ADAMTSL1: variants seen among roughly 807,000 people sequenced by gnomAD.
ADAMTSL1 encodes ADAMTS like 1, also known as ADAMTS-like protein 1.
Under a neutral mutation model 201.8 loss-of-function variants are expected in ADAMTSL1, and 126 were observed. That is an observed-to-expected ratio of 0.62 (90% CI 0.54 to 0.72). The LOEUF is 0.72. ADAMTSL1 is among the 30% of genes least tolerant of loss of function. The pLI, the probability that ADAMTSL1 is intolerant of heterozygous loss-of-function variation, is 0.00. For missense variants in ADAMTSL1, 2,679 were observed against 2,277.8 expected (o/e 1.18, Z -3.59); for synonymous variants, 1,121 against 903.4 (o/e 1.24, Z -4.32).
At chr9:18,440,987 A>G (rs1341576219) in intron 2 of ADAMTSL1, among the ~76,000 whole-genome samples, 1 of 152,212 alleles carries the variant, frequency 6.6e-6, no homozygotes, top group Non-Finnish European at 1.5e-5. Flanking sequence ...ATTTAGCCAT[A>G]AAAAGGAATG....
intron 2 of ADAMTSL1, among the ~76,000 whole-genome samples, chr9:18,247,679 C>A (rs1831315703): frequency 6.6e-6 from 1 of 151,838 alleles, no homozygotes; most frequent in Non-Finnish European, 1.5e-5. Flanking sequence ...TAGGCAGAGG[C>A]CTGAAGAAAG....
chr9:18,856,503 G>GC (rs1319166070), intron 23 of ADAMTSL1, among the ~76,000 whole-genome samples: 2 of 120,862 alleles, frequency 1.7e-5, no homozygotes, highest in South Asian at 2.6e-4. Context: ...TCGCTCTGTC[G>GC]CCCAGGCTAG....
chr9:18,536,479 C>T (rs1363821704), intron 3 of ADAMTSL1, among the ~76,000 whole-genome samples: 8 of 149,396 alleles, frequency 5.4e-5, no homozygotes, highest in Admixed American at 4.0e-4. Context: ...AGCTCACAGG[C>T]TTTTAAAAAT....
intron 2 of ADAMTSL1, among the ~76,000 whole-genome samples, chr9:18,266,410 C>G (rs947675278): frequency 1.3e-5 from 2 of 152,164 alleles, no homozygotes; most frequent in African/African-American, 4.8e-5. Context: ...CTGAATGAGC[C>G]TCACAAACCA....
At chr9:18,078,255 G>A (rs184934651) in intron 1 of ADAMTSL1, among the ~76,000 whole-genome samples, 10 of 152,104 alleles carry the variant, frequency 6.6e-5, no homozygotes, top group East Asian at 3.9e-4. Context: ...TTTTATAGTC[G>A]CGCAGTGGGG....
At position 18,093,418 on chromosome 9, in the gene ADAMTSL1, C is replaced by G. The variant is rs1046921504; in HGVS notation, c.88-70444C>G. On this transcript the variant is annotated intron_variant, in intron 1 of 29. Transcript: ENST00000680146. ...ATATATGCTGTGTATTCCCCCTACT[C>G]TGTAGTTGAAAGTTAACAAGGAGCG... 3.3e-5 allele frequency among the ~76,000 whole-genome samples: 5 copies of G among 152,176 alleles called. No individual in the cohort carries two copies. The East Asian group carries it at 7.7e-4, about 23-fold the overall frequency.
At position 18,899,018 on chromosome 9, in the gene ADAMTSL1, C is replaced by T. The variant is rs138247941; in HGVS notation, c.4851+6422C>T. ...GAGGAAGTCAAATTATCTTTGTTTG[C>T]AGATGATATGACCCTTTATCTACAA... On this transcript the variant is annotated intron_variant, in intron 26 of 28. Transcript: ENST00000380548. Among the ~76,000 whole-genome samples, 7 of 152,280 alleles carry T rather than the reference C, an allele frequency of 4.6e-5. No homozygotes were observed. The East Asian group carries it at 1.3e-3, about 29-fold the overall frequency.
rs78162831 is a variant in ADAMTSL1 at position 18,906,704 on chromosome 9, C to T, written c.4974C>T (p.Thr1658=). Residue 1658 remains threonine, a synonymous_variant, in exon 28 of 29, where the codon ACC becomes ACT. Coordinates refer to ENST00000380548, the MANE Select transcript of ADAMTSL1 (RefSeq NM_001040272.6). ...CATCCTCCTGCAGGCCTGTGAGCAC[C>T]CAGAACTGCTGGTCAGAGGCCTGCA... ...QCSALPRPVS[T]QNCWSEACSV... is the part of the protein sequence containing the mutation. 2.2e-4 allele frequency: 344 copies of T among 1,599,300 alleles called. 1 individual carries two copies. The African/African-American group carries it at 4.2e-3, about 20-fold the overall frequency.
chr9:18,264,465 G>A (rs1192576600), intron 2 of ADAMTSL1, among the ~76,000 whole-genome samples: 1 of 152,108 alleles, frequency 6.6e-6, no homozygotes, highest in Non-Finnish European at 1.5e-5. Context: ...GTCCCATTCA[G>A]AATAACAACC....
chr9:18,306,153 C>CA (rs1366385467), intron 2 of ADAMTSL1, among the ~76,000 whole-genome samples: 1 of 152,068 alleles, frequency 6.6e-6, no homozygotes, highest in African/African-American at 2.4e-5. Context: ...TCAACATCAA[C>CA]AAAAAAGACA....
chr9:18,566,128 A>G (rs1821875254), intron 3 of ADAMTSL1, among the ~76,000 whole-genome samples: 1 of 152,198 alleles, frequency 6.6e-6, no homozygotes, highest in African/African-American at 2.4e-5. Flanking sequence ...GTATTCTTGT[A>G]AATTTATTCT....
intron 2 of ADAMTSL1, among the ~76,000 whole-genome samples, chr9:18,299,507 C>T (rs1052496694): frequency 1.3e-5 from 2 of 152,168 alleles, no homozygotes; most frequent in African/African-American, 4.8e-5. Flanking sequence ...AAGTTCTGAG[C>T]TCCACAGATG....
chr9:18,396,912 T>C (rs995517329), intron 2 of ADAMTSL1, among the ~76,000 whole-genome samples: 5 of 152,176 alleles, frequency 3.3e-5, no homozygotes, highest in African/African-American at 1.2e-4. Context: ...AGTACATTCC[T>C]AAATAGGGGT....
At chr9:18,464,885 C>G (rs918093074) in intron 2 of ADAMTSL1, among the ~76,000 whole-genome samples, 2 of 152,082 alleles carry the variant, frequency 1.3e-5, no homozygotes, top group Non-Finnish European at 2.9e-5. Context: ...AAAGATTTAG[C>G]CATTGAGCAT....
At chr9:18,305,762 G>C (rs942495842) in intron 2 of ADAMTSL1, among the ~76,000 whole-genome samples, 1 of 152,152 alleles carries the variant, frequency 6.6e-6, no homozygotes, top group African/African-American at 2.4e-5. Flanking sequence ...TTGGGGGATG[G>C]GGTGGTTGTG....
At chr9:18,741,895 T>A (rs192657152) in intron 15 of ADAMTSL1, among the ~76,000 whole-genome samples, 2 of 152,350 alleles carry the variant, frequency 1.3e-5, no homozygotes, top group East Asian at 3.9e-4. Context: ...AAGCCCTTCC[T>A]CTTCCAGCAG....
chr9:18,563,762 T>C (rs1031560743), intron 3 of ADAMTSL1, among the ~76,000 whole-genome samples: 2 of 152,188 alleles, frequency 1.3e-5, no homozygotes, highest in African/African-American at 4.8e-5. Context: ...TTTGCGTAGC[T>C]GCGGTGGGCT....
At chr9:18,243,646 A>C (rs538116312) in intron 2 of ADAMTSL1, among the ~76,000 whole-genome samples, 148 of 152,104 alleles carry the variant, frequency 9.7e-4, no homozygotes, top group African/African-American at 3.4e-3. Flanking sequence ...CTGTTTCCTT[A>C]AGCCTTCCTG....
In ADAMTSL1 at chr9:18,806,655, C is replaced by T. The variant is rs16937104; in HGVS notation, c.3806-10454C>T. 5.4e-3 allele frequency among the ~76,000 whole-genome samples: 824 copies of T among 152,216 alleles called. 7 individuals carry two copies. Among genetic ancestry groups the T allele is most frequent in the African/African-American group, 0.018 (759 of 41,508 alleles). Reference sequence around the variant, plus strand: ...AAACACATATGTTCAGATTTTTTCCCACTGAATTTTGATTTTACCCCAAAT... The same window carrying T: ...AAACACATATGTTCAGATTTTTTCCTACTGAATTTTGATTTTACCCCAAAT... On this transcript the variant is annotated intron_variant, in intron 20 of 28. Transcript: ENST00000380548.
Sources: gnomAD v4.1 joint callset for allele counts (sites outside exome capture counted in the v4.1 genomes callset) on GRCh38, gnomAD v4.1.1 for gene constraint, MANE v1.5 for transcripts, NCBI Gene and HGNC (gene_info 2026-07-23, HGNC 2026-07-21) for gene names.